The following GPC5 variants were observed in gnomAD, a reference collection of about 807,000 sequenced individuals.
The protein encoded by GPC5 is glypican-5.
GPC5 carries 47 observed loss-of-function variants against 53.9 expected under a neutral mutation model. The observed-to-expected ratio is 0.87, with a 90% confidence interval of 0.69 to 1.11. The LOEUF (loss-of-function observed/expected upper bound fraction) is 1.11. Among genes scored for constraint, GPC5 ranks in the 50% most tolerant of loss-of-function variants. The pLI, the probability that GPC5 is intolerant of heterozygous loss-of-function variation, is 0.00. For synonymous variants in GPC5, 286 were observed against 263.3 expected, an observed-to-expected ratio of 1.09 and a Z score of -0.84; for missense variants, 748 against 713.1, an observed-to-expected ratio of 1.05 and a Z score of -0.56.
intron 7 of GPC5, among the ~76,000 whole-genome samples, chr13:92,602,676 C>A (rs982113679): frequency 1.1e-4 from 16 of 152,010 alleles, no homozygotes; most frequent in Admixed American, 6.5e-5. Context: ...GGCAGACTAT[C>A]CTTTTGAAAC....
At chr13:92,057,707 G>T (rs1485579970) in intron 6 of GPC5, among the ~76,000 whole-genome samples, 2 of 152,026 alleles carry the variant, frequency 1.3e-5, no homozygotes, top group East Asian at 3.8e-4. Context: ...TGTTTAACAT[G>T]GATCCAGAAT....
intron 5 of GPC5, among the ~76,000 whole-genome samples, chr13:91,858,676 G>A (rs1439961299): frequency 6.6e-6 from 1 of 151,886 alleles, no homozygotes; most frequent in Admixed American, 6.6e-5. Context: ...CTTGTAGAAC[G>A]AGTTTGGAAA....
chr13:91,998,652 C>G (rs577251075), intron 6 of GPC5, among the ~76,000 whole-genome samples: 3 of 152,296 alleles, frequency 2.0e-5, no homozygotes, highest in East Asian at 3.9e-4. Flanking sequence ...TGCAAAGATA[C>G]TATAATGAGA....
chr13:91,903,064 G>T, intron 5 of GPC5, among the ~76,000 whole-genome samples: 1 of 149,998 alleles, frequency 6.7e-6, no homozygotes, highest in Non-Finnish European at 1.5e-5. Context: ...GCACTTCTGT[G>T]TATCCAATAC....
chr13:92,420,000 C>T (rs1002202328), intron 7 of GPC5, among the ~76,000 whole-genome samples: 16 of 152,140 alleles, frequency 1.1e-4, no homozygotes, highest in African/African-American at 3.6e-4. Context: ...GACCTCTCCA[C>T]CTAGTTCTTT....
At chr13:91,628,222 T>G (rs999330168) in intron 2 of GPC5, among the ~76,000 whole-genome samples, 7 of 151,504 alleles carry the variant, frequency 4.6e-5, no homozygotes, top group African/African-American at 1.7e-4. Context: ...TTATTAAAAT[T>G]TTTTAGCCTA....
At chr13:92,103,526 C>A (rs545224112) in intron 6 of GPC5, among the ~76,000 whole-genome samples, 19 of 152,016 alleles carry the variant, frequency 1.2e-4, no homozygotes, top group Non-Finnish European at 2.5e-4. Context: ...ATCTTTGATT[C>A]TTTTTTCCTT....
At chr13:91,838,729 G>A (rs1161706067) in intron 5 of GPC5, among the ~76,000 whole-genome samples, 4 of 152,112 alleles carry the variant, frequency 2.6e-5, no homozygotes, top group African/African-American at 4.8e-5. Context: ...AGGCACTGTC[G>A]TCGCTATGCA....
chr13:92,296,784 G>T (rs575139239), intron 7 of GPC5, among the ~76,000 whole-genome samples: 27 of 152,210 alleles, frequency 1.8e-4, no homozygotes, highest in African/African-American at 6.5e-4. Flanking sequence ...TGCTGGCCCC[G>T]GGCAATGAGG....
chr13:91,458,599 A>T (rs1375342944), intron 2 of GPC5, among the ~76,000 whole-genome samples: 1 of 152,160 alleles, frequency 6.6e-6, no homozygotes, highest in Non-Finnish European at 1.5e-5. Flanking sequence ...AAATAAAAAA[A>T]AATAGATGTT....
intron 5 of GPC5, among the ~76,000 whole-genome samples, chr13:91,836,631 T>G (rs1410579050): frequency 6.6e-6 from 1 of 152,064 alleles, no homozygotes; most frequent in Non-Finnish European, 1.5e-5. Flanking sequence ...AGGTAAATTT[T>G]AATGCACTTT....
chr13:91,441,915 G>A (rs1880464559), intron 1 of GPC5, among the ~76,000 whole-genome samples: 1 of 152,050 alleles, frequency 6.6e-6, no homozygotes, highest in Admixed American at 6.6e-5. Context: ...GTAAATATAA[G>A]TACATCTTGA....
chr13:91,637,836 G>A (rs1055851480), intron 2 of GPC5, among the ~76,000 whole-genome samples: 1 of 152,216 alleles, frequency 6.6e-6, no homozygotes, highest in Non-Finnish European at 1.5e-5. Flanking sequence ...GACCATGAGA[G>A]TGAGCACAGC....
At chr13:92,035,189 T>C (rs1310670795) in intron 6 of GPC5, among the ~76,000 whole-genome samples, 1 of 126,202 alleles carries the variant, frequency 7.9e-6, no homozygotes, top group Non-Finnish European at 1.6e-5. Context: ...CACTCCAGCC[T>C]GGGCGACAGA....
rs187907942 is a variant in GPC5 at position 92,568,149 on chromosome 13, C to A, written c.1562-298133C>A. ...CCAGCCTGAGCAATATAGTGAGACT[C>A]CATCTCTAAAAAAAAGAAGAAATAA... On this transcript the variant is annotated intron_variant, in intron 7 of 7. Transcript: ENST00000377067. 1.3e-3 allele frequency among the ~76,000 whole-genome samples: 192 copies of A among 151,864 alleles called. 1 individual carries two copies. Among genetic ancestry groups the A allele is most frequent in the African/African-American group, 4.5e-3 (187 of 41,456 alleles).
chr13:92,606,183 A>G (rs1301647838), intron 7 of GPC5, among the ~76,000 whole-genome samples: 1 of 151,974 alleles, frequency 6.6e-6, no homozygotes, highest in Admixed American at 6.6e-5. Flanking sequence ...GGTGTGCTGC[A>G]CCCATTAACT....
At position 91,818,261 on chromosome 13, in the gene GPC5, T is replaced by G. The variant is rs548289270; in HGVS notation, c.1280+61841T>G. 6.6e-5 allele frequency among the ~76,000 whole-genome samples: 10 copies of G among 152,340 alleles called. No homozygotes were observed. In the South Asian group the frequency reaches 2.1e-3, roughly 32 times the overall value. ...TTGTTTGTTTTTGTTTACCAGAATG[T>G]CTGGCAGCTTGTATATCACAACTGC... On this transcript the variant is annotated intron_variant, in intron 5 of 7. Transcript: ENST00000377067.
At chr13:91,805,820 G>A (rs2038210353) in intron 5 of GPC5, among the ~76,000 whole-genome samples, 1 of 152,026 alleles carries the variant, frequency 6.6e-6, no homozygotes, top group Non-Finnish European at 1.5e-5. Flanking sequence ...TTGTACACTA[G>A]GTGGCAGAGG....
intron 5 of GPC5, among the ~76,000 whole-genome samples, chr13:91,844,972 A>G (rs890482401): frequency 6.6e-6 from 1 of 152,198 alleles, no homozygotes; most frequent in African/African-American, 2.4e-5. Flanking sequence ...GTCTTTTAAT[A>G]TTGAAGAGTT....
Sources: gnomAD v4.1 joint callset for allele counts (sites outside exome capture counted in the v4.1 genomes callset) on GRCh38, gnomAD v4.1.1 for gene constraint, MANE v1.5 for transcripts, NCBI Gene and HGNC (gene_info 2026-07-23, HGNC 2026-07-21) for gene names.